TMTC1: variants seen among roughly 807,000 people sequenced by gnomAD.
TMTC1 encodes protein O-mannosyl-transferase TMTC1.
TMTC1 carries 73 observed loss-of-function variants against 104.8 expected under a neutral mutation model. The observed-to-expected ratio is 0.70, with a 90% CI of 0.58 to 0.85. TMTC1 has a LOEUF of 0.85. TMTC1 is among the 40% of genes least tolerant of loss of function. The pLI is 0.00. For missense variants in TMTC1, 1,035 were observed against 1,096.1 expected, an observed-to-expected ratio of 0.94 and a Z score of 0.79; for synonymous variants, 434 against 428.7, an observed-to-expected ratio of 1.01 and a Z score of -0.15.
intron 13 of TMTC1, 57 bp from the exon 14 acceptor site, chr12:29,517,628 G>A: frequency 1.9e-6 from 3 of 1,601,862 alleles, no homozygotes; most frequent in Non-Finnish European, 2.6e-6. Context: ...ATTTCCAAAT[G>A]TCTAGGCTTA....
chr12:29,522,697 C>T (rs1421390665), intron 11 of TMTC1, among the ~76,000 whole-genome samples: 1 of 152,086 alleles, frequency 6.6e-6, no homozygotes, highest in Admixed American at 6.6e-5. Flanking sequence ...GCATTTACTG[C>T]AATGGCTATA....
chr12:29,762,777 C>T (rs749705711), intron 2 of TMTC1, among the ~76,000 whole-genome samples: 5 of 152,192 alleles, frequency 3.3e-5, no homozygotes, highest in East Asian at 1.9e-4. Flanking sequence ...ACTCAAGAGA[C>T]GAATGCAGTG....
At chr12:29,671,468 C>A (rs1940513969) in intron 5 of TMTC1, among the ~76,000 whole-genome samples, 1 of 152,282 alleles carries the variant, frequency 6.6e-6, no homozygotes, top group East Asian at 1.9e-4. Flanking sequence ...AAAAAGCATA[C>A]ATGCATACAT....
chr12:29,668,454 CTTTTTTTTTTTTTT>C (rs66652706), intron 5 of TMTC1, among the ~76,000 whole-genome samples: 1 of 90,090 alleles, frequency 1.1e-5, no homozygotes, highest in African/African-American at 4.5e-5. Flanking sequence ...ACCAACTTAT[CTTTTTTTTTTTTTT>C]TTTTTTTTTT....
At chr12:29,520,858 G>T (rs982030111) in intron 11 of TMTC1, 138 bp from the exon 12 acceptor site, 14 of 648,772 alleles carry the variant, frequency 2.2e-5, no homozygotes, top group Admixed American at 3.0e-5. Context: ...CTGAGATAAG[G>T]CACTATGAAC....
intron 10 of TMTC1, among the ~76,000 whole-genome samples, chr12:29,552,273 T>TA (rs57933447): frequency 6.0e-5 from 9 of 149,468 alleles, no homozygotes; most frequent in South Asian, 2.1e-4. Flanking sequence ...ATATTTCATT[T>TA]AAAAAAAAAA....
intron 7 of TMTC1, among the ~76,000 whole-genome samples, chr12:29,594,979 T>C (rs1946370118): frequency 6.6e-6 from 1 of 152,218 alleles, no homozygotes; most frequent in Non-Finnish European, 1.5e-5. Flanking sequence ...CTTTGATTTC[T>C]TTTGACTTTG....
At chr12:29,772,390 G>A (rs1247045228) in intron 1 of TMTC1, among the ~76,000 whole-genome samples, 3 of 152,120 alleles carry the variant, frequency 2.0e-5, no homozygotes, top group Non-Finnish European at 4.4e-5. Context: ...AGAGGAAAGT[G>A]AAATATTTCT....
At chr12:29,781,543 T>C (rs754842938) in intron 1 of TMTC1, among the ~76,000 whole-genome samples, 8 of 152,162 alleles carry the variant, frequency 5.3e-5, no homozygotes, top group Non-Finnish European at 1.0e-4. Context: ...TAAAACATTT[T>C]AGGTGAGGTA....
intron 5 of TMTC1, chr12:29,658,292 A>G (rs866914955): frequency 2.6e-4 from 40 of 152,208 alleles, no homozygotes; most frequent in African/African-American, 8.7e-4. Context: ...TAAAACTATG[A>G]ACATTTTAGA....
chr12:29,706,982 A>G (rs550133386), intron 5 of TMTC1, among the ~76,000 whole-genome samples: 13 of 152,330 alleles, frequency 8.5e-5, no homozygotes, highest in Non-Finnish European at 1.6e-4. Context: ...CATAGGTGGA[A>G]AACAGAAGAA....
At chr12:29,657,258 A>C (rs1215343854) in intron 5 of TMTC1, among the ~76,000 whole-genome samples, 1 of 152,216 alleles carries the variant, frequency 6.6e-6, no homozygotes, top group Non-Finnish European at 1.5e-5. Context: ...TTTTTCTCTT[A>C]AAGACAAAGG....
chr12:29,664,298 G>GA (rs1170868461), intron 5 of TMTC1, among the ~76,000 whole-genome samples: 50 of 150,690 alleles, frequency 3.3e-4, no homozygotes, highest in African/African-American at 1.1e-3. Context: ...AGCAGTGGAC[G>GA]AAAAAAAAAG....
chr12:29,700,889 A>G (rs1010651930), intron 5 of TMTC1, among the ~76,000 whole-genome samples: 1 of 152,194 alleles, frequency 6.6e-6, no homozygotes, highest in Non-Finnish European at 1.5e-5. Context: ...GAAAACTTAC[A>G]TTACTCATTG....
Position 29,783,901 on chromosome 12 carries a change from G to T in TMTC1, c.-150C>A. 2.7e-6 allele frequency: 2 copies of T among 730,868 alleles called. No individual in the cohort carries two copies. The highest frequency in any genetic ancestry group is 3.4e-6 in the Non-Finnish European group (2 of 585,744). 45.3% of individuals were successfully genotyped at this position (730,868 alleles called of 1,614,324 possible). A position where few individuals can be genotyped will look rare whatever the true frequency, so the allele number is the denominator to read the frequency against. ...ACCCGCCGCGAGCTCCCCGCGCTCCGCCGCCGCCTGCGCCGCGGAGTTGGC... is the reference window on the plus strand; with the variant it reads ...ACCCGCCGCGAGCTCCCCGCGCTCCTCCGCCGCCTGCGCCGCGGAGTTGGC... On this transcript the variant is annotated 5_prime_UTR_variant, in exon 1 of 18. Coordinates refer to ENST00000539277, the MANE Select transcript of TMTC1 (RefSeq NM_001193451.2). The surrounding 1 kb of genome is among the most constrained non-coding windows in gnomAD (Gnocchi z 4.7).
chr12:29,624,859 T>C (rs1345958667), intron 6 of TMTC1, among the ~76,000 whole-genome samples: 1 of 152,206 alleles, frequency 6.6e-6, no homozygotes, highest in East Asian at 1.9e-4. Context: ...GAGGAAAAAG[T>C]AGTGAAGCTA....
chr12:29,660,210 G>T (rs1939951669), intron 5 of TMTC1, among the ~76,000 whole-genome samples: 1 of 152,160 alleles, frequency 6.6e-6, no homozygotes, highest in Non-Finnish European at 1.5e-5. Context: ...CATTCTTTTA[G>T]AAACCAGCTG....
intron 5 of TMTC1, chr12:29,660,967 C>T: frequency 1.4e-6 from 1 of 733,352 alleles, no homozygotes; most frequent in African/African-American, 1.8e-5. Flanking sequence ...GACGCTGCAG[C>T]TCTGAAGAAG....
intron 1 of TMTC1, among the ~76,000 whole-genome samples, chr12:29,780,838 T>C (rs1026598427): frequency 3.3e-5 from 5 of 152,190 alleles, no homozygotes; most frequent in African/African-American, 1.2e-4. Flanking sequence ...GAATGCACAA[T>C]TACATTAAAA....
Sources: allele counts gnomAD v4.1 joint callset (sites outside exome capture counted in the v4.1 genomes callset), GRCh38; gene constraint gnomAD v4.1.1; non-coding constraint Gnocchi (gnomAD v3.1); transcripts MANE v1.5; gene names NCBI Gene and HGNC (gene_info 2026-07-23, HGNC 2026-07-21).